Variants in ATP1A1 observed in about 807,000 individuals in gnomAD.
The protein encoded by ATP1A1 is ATPase Na+/K+ transporting subunit alpha 1, also known as sodium/potassium-transporting ATPase subunit alpha-1.
ATP1A1 carries 14 observed loss-of-function variants against 114.8 expected under a neutral mutation model. The observed-to-expected ratio is 0.12, with a 90% CI of 0.08 to 0.19. The LOEUF is 0.19. Among genes scored for constraint, ATP1A1 ranks in the 10% least tolerant of loss-of-function variants. The pLI is 1.00. For synonymous variants in ATP1A1, 471 were observed against 466.3 expected (o/e 1.01, Z -0.13); for missense variants, 524 against 1,290.7 (o/e 0.41, Z 9.10).
intron 1 of ATP1A1, chr1:116,373,968 C>T (rs1424558291): frequency 1.5e-6 from 2 of 1,375,524 alleles, no homozygotes; most frequent in Admixed American, 3.2e-5. Context: ...CTCCGCCCTC[C>T]GTGCCCTGAG....
At position 116,373,455 on chromosome 1, in the gene ATP1A1, T is replaced by A. The variant is rs766251701; in HGVS notation, c.-57T>A. On this transcript the variant is annotated 5_prime_UTR_variant, in exon 1 of 23. Transcript: ENST00000295598. ...CGCTCGGCCGGGAGCTGCTCTGTGC[T>A]TTTCTCTCTGATTCTCCAGCGACAG... The A allele has an allele frequency of 1.4e-6, 2 of 1,464,430 alleles. No homozygotes were observed. Among genetic ancestry groups the A allele is most frequent in the East Asian group, 3.3e-5 (1 of 30,732 alleles). 90.7% of individuals were successfully genotyped at this position (1,464,430 alleles called of 1,614,324 possible). A position where few individuals can be genotyped will look rare whatever the true frequency, so the allele number is the denominator to read the frequency against.
At chr1:116,396,930 A>T (rs1045418717) in intron 14 of ATP1A1, among the ~76,000 whole-genome samples, 196 bp downstream of exon 14, 1 of 152,248 alleles carries the variant, frequency 6.6e-6, no homozygotes, top group African/African-American at 2.4e-5. Context: ...TAGCACTTAG[A>T]TGGTATTTAC....
At position 116,385,967 on chromosome 1, in the gene ATP1A1, A is replaced by C. The variant is rs1370682722; in HGVS notation, c.183+1125A>C. ...CATGGAGAAACCCCGTCTCTACTAA[A>C]AATACAAAATTAGCCTGGCATGGTG... On this transcript the variant is annotated intron_variant, in intron 3 of 22. Transcript: ENST00000295598. This position sits in a 1 kb window ranked among gnomAD's most constrained non-coding sequence, Gnocchi z 4.3. 1 of 152,106 alleles carries C rather than the reference A, an allele frequency of 6.6e-6. No individual in the cohort carries two copies. Among genetic ancestry groups the C allele is most frequent in the Non-Finnish European group, 1.5e-5 (1 of 68,134 alleles). 9.4% of individuals were successfully genotyped at this position (152,106 alleles called of 1,614,324 possible).
rs909172530 is a variant in ATP1A1, at chr1:116,399,771, T to A, written c.2572+228T>A. Among the ~76,000 whole-genome samples, 1 of 152,230 alleles carries A rather than the reference T, an allele frequency of 6.6e-6. No individual in the cohort carries two copies. The highest frequency in any genetic ancestry group is 6.5e-5 in the Admixed American group (1 of 15,292). ...TTTTGTGGAAACTGGTTTTCTATAC[T>A]GAGCACCTTGGAACTGGGCTCAACT... On this transcript the variant is annotated intron_variant, in intron 18 of 22. Transcript: ENST00000295598. This position sits in a 1 kb window ranked among gnomAD's most constrained non-coding sequence, Gnocchi z 5.0.
Position 116,404,743 on chromosome 1 carries a change from T to A in ATP1A1, c.*299T>A, listed in dbSNP as rs765698320. 8.5e-7 allele frequency: 1 copy of A among 1,180,248 alleles called. No homozygotes were observed. The highest frequency in any genetic ancestry group is 1.0e-6 in the Non-Finnish European group (1 of 956,832). The allele number at this position is 1,180,248 out of a possible 1,614,324, so 73.1% of individuals were successfully genotyped here. ...GAAAGAATACATTTTATATCTGGAT[T>A]TTTACAAATAAAGATGGCTATTATA... On this transcript the variant is annotated 3_prime_UTR_variant, in exon 23 of 23. Transcript: ENST00000295598. The surrounding 1 kb of genome is among the most constrained non-coding windows in gnomAD (Gnocchi z 4.8).
In ATP1A1 at chr1:116,385,763, T is replaced by C. The variant is rs369844068; in HGVS notation, c.183+921T>C. Reference sequence around the variant, plus strand: ...GTTGGAATTGAATTGGAGGAAACCTTGGTGGTGGGGAGAAACCGCCACACC... The same window carrying C: ...GTTGGAATTGAATTGGAGGAAACCTCGGTGGTGGGGAGAAACCGCCACACC... On this transcript the variant is annotated intron_variant, in intron 3 of 22. Coordinates refer to ENST00000295598, the MANE Select transcript of ATP1A1 (RefSeq NM_000701.8). The surrounding 1 kb of genome is among the most constrained non-coding windows in gnomAD (Gnocchi z 4.3). 2.0e-5 allele frequency: 3 copies of C among 152,262 alleles called. No homozygotes were observed. The highest frequency in any genetic ancestry group is 7.2e-5 in the African/African-American group (3 of 41,544). The allele number at this position is 152,262 out of a possible 1,614,324, so 9.4% of individuals were successfully genotyped here.
rs1242848731 is a variant in ATP1A1 at position 116,393,929 on chromosome 1, T to C, written c.1660+206T>C. Among the ~76,000 whole-genome samples, 1 of 152,232 alleles carries C rather than the reference T, an allele frequency of 6.6e-6. No homozygotes were observed. The highest frequency in any genetic ancestry group is 1.5e-5 in the Non-Finnish European group (1 of 68,040). On this transcript the variant is annotated intron_variant, in intron 12 of 22. Transcript: ENST00000295598. This position sits in a 1 kb window ranked among gnomAD's most constrained non-coding sequence, Gnocchi z 5.0. The stretch of plus-strand genomic sequence containing the variant: ...TGAAGAAATGTTCAGCGTATTGGGC[T>C]GTGAGAAACAACGTCCTGATGGTTT...
chr1:116,389,344 TGTTTTTTTA>T lies in ATP1A1; in HGVS notation c.755-92_755-84del, dbSNP rs1382639660. The T allele has an allele frequency of 1.3e-6, 2 of 1,505,088 alleles. No individual in the cohort carries two copies. The highest frequency in any genetic ancestry group is 2.8e-5 in the African/African-American group (2 of 71,626). 93.2% of individuals were successfully genotyped at this position (1,505,088 alleles called of 1,614,324 possible). ...AAAAAGTGCTTTTATCAACTCTTTT[TGTTTTTTTA>T]GTCATCCTATGTAATTGTGTAAAAT... On this transcript the variant is annotated intron_variant, in intron 7 of 22. Transcript: ENST00000295598. This position sits in a 1 kb window ranked among gnomAD's most constrained non-coding sequence, Gnocchi z 6.9.
At chr1:116,383,477 ACTATTC>A in intron 1 of ATP1A1, 1 of 580,988 alleles carries the variant, frequency 1.7e-6, no homozygotes, top group Non-Finnish European at 2.2e-6. Flanking sequence ...TGAGGTTGGC[ACTATTC>A]TTTATCTCCA....
At chr1:116,390,498 T>G (rs1453358419) in intron 9 of ATP1A1, 87 bp downstream of exon 9, 1 of 1,393,682 alleles carries the variant, frequency 7.2e-7, no homozygotes, top group East Asian at 2.3e-5. Flanking sequence ...AATTTCTTTT[T>G]TTTTTTTAAG....
chr1:116,393,390 T>C lies in ATP1A1; in HGVS notation c.1468-141T>C. On this transcript the variant is annotated intron_variant, in intron 11 of 22. Transcript: ENST00000295598. The surrounding 1 kb of genome is among the most constrained non-coding windows in gnomAD (Gnocchi z 5.0). ...TGTAGCATTCAAAGTATGTTACAGG[T>C]GTAAGATACTTCAGAGTTCAGAAAG... 1 of 884,688 alleles carries C rather than the reference T, an allele frequency of 1.1e-6. No homozygotes were observed. Among genetic ancestry groups the C allele is most frequent in the East Asian group, 2.5e-5 (1 of 39,548 alleles). 54.8% of individuals were successfully genotyped at this position (884,688 alleles called of 1,614,324 possible).
intron 1 of ATP1A1, chr1:116,373,830 G>A: frequency 4.8e-6 from 6 of 1,249,998 alleles, no homozygotes; most frequent in Non-Finnish European, 6.0e-6. Context: ...GAGAGGCGGT[G>A]CTTGGGAAGC....
At position 116,398,937 on chromosome 1, in the gene ATP1A1, G is replaced by A; in HGVS notation, c.2301G>A (p.Leu767=). The change falls in exon 17 of 23, where the codon CTG becomes CTA. Residue 767 remains leucine (L), a synonymous_variant. Coordinates refer to ENST00000295598, the MANE Select transcript of ATP1A1 (RefSeq NM_000701.8). The surrounding 1 kb of genome is among the most constrained non-coding windows in gnomAD (Gnocchi z 6.1). ...AAATCTTGGTTTTCATAGGTCGTCTGATCTTTGATAACTTGAAGAAATCCA... is the reference window on the plus strand; with the variant it reads ...AAATCTTGGTTTTCATAGGTCGTCTAATCTTTGATAACTTGAAGAAATCCA... ...SIVTGVEEGR[L]IFDNLKKSIA... is the part of the protein sequence containing the mutation. 6.2e-7 allele frequency: 1 copy of A among 1,614,164 alleles called. No individual in the cohort carries two copies.
chr1:116,396,093 G>A (rs906980204), intron 13 of ATP1A1, among the ~76,000 whole-genome samples: 2 of 152,074 alleles, frequency 1.3e-5, no homozygotes, highest in African/African-American at 4.8e-5. Context: ...CTTTGTAGAA[G>A]TTATTTCCTC....
At chr1:116,400,209 T>C (rs1297510319) in intron 18 of ATP1A1, among the ~76,000 whole-genome samples, 1 of 152,202 alleles carries the variant, frequency 6.6e-6, no homozygotes, top group South Asian at 2.1e-4. Flanking sequence ...AAGAACAGAT[T>C]AGATAGAATA....
At chr1:116,400,411 G>C (rs1653350785) in intron 18 of ATP1A1, among the ~76,000 whole-genome samples, 1 of 152,160 alleles carries the variant, frequency 6.6e-6, no homozygotes, top group African/African-American at 2.4e-5. Flanking sequence ...AGGGGGAGGA[G>C]GGTCCTGAAG....
Position 116,393,452 on chromosome 1 carries a change from G to T in ATP1A1, c.1468-79G>T. On this transcript the variant is annotated intron_variant, in intron 11 of 22. Transcript: ENST00000295598. The surrounding 1 kb of genome is among the most constrained non-coding windows in gnomAD (Gnocchi z 5.0). ...GGTCTTTTATAGCAAATACTAAATA[G>T]TAAGTGAAGCTTTGTTTTCCACCAT... 1.4e-6 allele frequency: 2 copies of T among 1,441,988 alleles called. No homozygotes were observed. The highest frequency in any genetic ancestry group is 2.8e-5 in the South Asian group (2 of 71,144). 89.3% of individuals were successfully genotyped at this position (1,441,988 alleles called of 1,614,324 possible).
chr1:116,395,028 TA>T lies in ATP1A1; in HGVS notation c.1661-81del, dbSNP rs754428580. Reference sequence around the variant, plus strand: ...CCAAAGTAAACACTCCAGAGAAAGGTAGGCGGGCTGAATAGGCTGCTGTTGT... The same window carrying T: ...CCAAAGTAAACACTCCAGAGAAAGGTGGCGGGCTGAATAGGCTGCTGTTGT... On this transcript the variant is annotated intron_variant, in intron 12 of 22. Transcript: ENST00000295598. The surrounding 1 kb of genome is among the most constrained non-coding windows in gnomAD (Gnocchi z 6.4). 3.2e-4 allele frequency: 448 copies of T among 1,414,730 alleles called. No homozygotes were observed. The highest frequency in any genetic ancestry group is 3.9e-4 in the Non-Finnish European group (410 of 1,041,422). 87.6% of individuals were successfully genotyped at this position (1,414,730 alleles called of 1,614,324 possible).
chr1:116,401,950 C>T lies in ATP1A1; in HGVS notation c.2951+295C>T. ...CTGCATTGAGCACTCAGGTCTGCCA[C>T]AGCTGTAGTCCAGTTGTCTTTAGAG... On this transcript the variant is annotated intron_variant, in intron 21 of 22. Transcript: ENST00000295598. The surrounding 1 kb of genome is among the most constrained non-coding windows in gnomAD (Gnocchi z 4.7). 1 of 367,470 alleles carries T rather than the reference C, an allele frequency of 2.7e-6. No homozygotes were observed. The highest frequency in any genetic ancestry group is 4.9e-6 in the Non-Finnish European group (1 of 203,824). 22.8% of individuals were successfully genotyped at this position (367,470 alleles called of 1,614,324 possible).
Sources: allele counts gnomAD v4.1 joint callset (sites outside exome capture counted in the v4.1 genomes callset), GRCh38; gene constraint gnomAD v4.1.1; non-coding constraint Gnocchi (gnomAD v3.1); transcripts MANE v1.5; gene names NCBI Gene and HGNC (gene_info 2026-07-23, HGNC 2026-07-21).